ZNF407: variants seen among roughly 807,000 people sequenced by gnomAD.
ZNF407 encodes the protein zinc finger protein 407.
A neutral mutation model predicts 131.2 loss-of-function variants in ZNF407; 17 were observed. The ratio of observed to expected loss-of-function variants is 0.13; its 90% CI spans 0.09 to 0.19. ZNF407 has a LOEUF of 0.19. ZNF407 is among the 10% of genes least tolerant of loss of function. The probability of loss-of-function intolerance (pLI) is 1.00; values close to 1 mark genes in which losing one functional copy is unlikely to be tolerated. For missense variants in ZNF407, 2,681 were observed against 2,830.6 expected (o/e 0.95, Z 1.20); for synonymous variants, 1,156 against 1,062.0 (o/e 1.09, Z -1.72).
intron 3 of ZNF407, among the ~76,000 whole-genome samples, chr18:74,778,591 A>G (rs952544646): frequency 2.6e-5 from 4 of 152,158 alleles, no homozygotes; most frequent in African/African-American, 9.7e-5. Flanking sequence ...GCTGCCTAGA[A>G]CTGTTCCTTG....
At chr18:74,817,352 A>G (rs950576834) in intron 4 of ZNF407, among the ~76,000 whole-genome samples, 1 of 152,110 alleles carries the variant, frequency 6.6e-6, no homozygotes. Context: ...ATGTCTTTCT[A>G]TCATAGTTCC....
At position 74,638,587 on chromosome 18, in the gene ZNF407, A is replaced by G. The variant is rs375458702; in HGVS notation, c.4688-2421A>G. 5.3e-5 allele frequency among the ~76,000 whole-genome samples: 8 copies of G among 152,336 alleles called. No individual in the cohort carries two copies. In the East Asian group the frequency reaches 9.6e-4, roughly 18 times the overall value. The stretch of plus-strand genomic sequence containing the variant: ...GAGGAGCCCTCGTAGGCCTGAGTGA[A>G]GACCTGGATTTTAAAGTCTTTGAAA... On this transcript the variant is annotated intron_variant, in intron 2 of 8. Coordinates refer to ENST00000299687, the MANE Select transcript of ZNF407 (RefSeq NM_017757.3).
intron 4 of ZNF407, among the ~76,000 whole-genome samples, chr18:74,805,670 G>A (rs1025764817): frequency 6.6e-6 from 1 of 152,156 alleles, no homozygotes; most frequent in African/African-American, 2.4e-5. Context: ...AAGTTTTCCT[G>A]TTGCTGTTTG....
intron 8 of ZNF407, among the ~76,000 whole-genome samples, chr18:74,973,466 T>G (rs539960486): frequency 6.6e-6 from 1 of 152,322 alleles, no homozygotes; most frequent in South Asian, 2.1e-4. Flanking sequence ...GCTAGTGGTG[T>G]AGGCCAACAC....
At chr18:74,897,688 C>G (rs1971471059) in intron 7 of ZNF407, among the ~76,000 whole-genome samples, 2 of 152,102 alleles carry the variant, frequency 1.3e-5, no homozygotes, top group African/African-American at 4.8e-5. Context: ...GACACTAGAG[C>G]TATTATCAAA....
At position 74,634,796 on chromosome 18, in the gene ZNF407, G is replaced by T. The variant is rs759669670; in HGVS notation, c.3777G>T (p.Ser1259=). The change falls in exon 2 of 9, where the codon TCG becomes TCT. Residue 1259 remains serine (S), a synonymous_variant. Coordinates refer to ENST00000299687, the MANE Select transcript of ZNF407 (RefSeq NM_017757.3). ...LCPVTLDGER[S]AESPVLVVTR... is the part of the protein sequence containing the mutation. ...CTGTGACGCTCGATGGGGAGCGCTC[G>T]GCTGAAAGCCCTGTGCTCGTTGTGA... 2 of 1,613,994 alleles carry T rather than the reference G, an allele frequency of 1.2e-6. No individual in the cohort carries two copies. Among genetic ancestry groups the T allele is most frequent in the South Asian group, 1.1e-5 (1 of 91,076 alleles).
At chr18:74,754,370 T>C (rs1968880084) in intron 3 of ZNF407, among the ~76,000 whole-genome samples, 2 of 152,216 alleles carry the variant, frequency 1.3e-5, no homozygotes, top group African/African-American at 2.4e-5. Context: ...CTGATCTTAG[T>C]TATTTCTTGC....
intron 4 of ZNF407, among the ~76,000 whole-genome samples, chr18:74,824,905 A>T (rs1460308698): frequency 6.6e-6 from 1 of 152,188 alleles, no homozygotes; most frequent in Non-Finnish European, 1.5e-5. Context: ...TCAGAGACAC[A>T]ACAACAAAAA....
chr18:74,979,685 T>C (rs979043747), intron 8 of ZNF407, among the ~76,000 whole-genome samples: 1 of 152,144 alleles, frequency 6.6e-6, no homozygotes, highest in Non-Finnish European at 1.5e-5. Context: ...AAGGACATGA[T>C]TGAAAGATTT....
intron 8 of ZNF407, among the ~76,000 whole-genome samples, chr18:74,997,269 C>T (rs939732397): frequency 2.0e-5 from 3 of 152,058 alleles, no homozygotes; most frequent in African/African-American, 7.2e-5. Context: ...AATTTATAAC[C>T]AGCTACACGA....
At chr18:74,812,294 A>G (rs1461177126) in intron 4 of ZNF407, among the ~76,000 whole-genome samples, 3 of 152,304 alleles carry the variant, frequency 2.0e-5, no homozygotes, top group South Asian at 2.1e-4. Context: ...TAAATGAGAT[A>G]CACATTTTAT....
chr18:75,062,290 C>G (rs1973645498), intron 8 of ZNF407: 3 of 152,346 alleles, frequency 2.0e-5, no homozygotes, highest in Non-Finnish European at 4.4e-5. Flanking sequence ...GCTTCTTTGT[C>G]TCTGTGTCTT....
At chr18:74,722,212 T>C (rs1968054878) in intron 3 of ZNF407, among the ~76,000 whole-genome samples, 1 of 152,210 alleles carries the variant, frequency 6.6e-6, no homozygotes, top group South Asian at 2.1e-4. Flanking sequence ...TCTACTGCTT[T>C]CCGTATTTCT....
Position 74,915,694 on chromosome 18 carries a change from A to AGTGTGTGT in ZNF407, c.5250-4800_5250-4793dup, listed in dbSNP as rs148897853. 3.6e-3 allele frequency among the ~76,000 whole-genome samples: 21 copies of AGTGTGTGT among 5,836 alleles called. 5 individuals carry two copies. Among genetic ancestry groups the AGTGTGTGT allele is most frequent in the African/African-American group, 7.6e-3 (13 of 1,710 alleles). 3.8% of individuals were successfully genotyped at this position (5,836 alleles called of 152,430 possible). A position where few individuals can be genotyped will look rare whatever the true frequency, so the allele number is the denominator to read the frequency against. Reference sequence around the variant, plus strand: ...GTATGCAGCATTGGTTCGAATCGGGAGTGTGTGTGTGTGTGTGTGTGTGTG... The same window carrying AGTGTGTGT: ...GTATGCAGCATTGGTTCGAATCGGGAGTGTGTGTGTGTGTGTGTGTGTGTGTGTGTGTG... On this transcript the variant is annotated intron_variant, in intron 7 of 8. Transcript: ENST00000299687.
At chr18:75,005,708 AC>A (rs1465995179) in intron 8 of ZNF407, among the ~76,000 whole-genome samples, 1 of 36,840 alleles carries the variant, frequency 2.7e-5, no homozygotes, top group African/African-American at 1.1e-4. Context: ...CACCCCCCCC[AC>A]CCACCCCCCG....
chr18:74,916,498 G>A (rs1354060350), intron 7 of ZNF407, among the ~76,000 whole-genome samples: 4 of 128,510 alleles, frequency 3.1e-5, no homozygotes, highest in African/African-American at 6.6e-5. Flanking sequence ...GTGTGTGTGC[G>A]TGCATGTGTG....
intron 7 of ZNF407, among the ~76,000 whole-genome samples, chr18:74,906,137 G>T (rs555969733): frequency 2.0e-4 from 31 of 152,096 alleles, no homozygotes; most frequent in Non-Finnish European, 3.8e-4. Context: ...CCCCTTGTAG[G>T]CATTCCTGGT....
chr18:74,826,590 C>G (rs1422970418), intron 4 of ZNF407, among the ~76,000 whole-genome samples: 1 of 152,120 alleles, frequency 6.6e-6, no homozygotes, highest in African/African-American at 2.4e-5. Context: ...ATTCAGGAGA[C>G]TTGTTTGTCA....
chr18:74,734,150 A>C (rs1968356575), intron 3 of ZNF407, among the ~76,000 whole-genome samples: 1 of 152,128 alleles, frequency 6.6e-6, no homozygotes, highest in Non-Finnish European at 1.5e-5. Flanking sequence ...CCGTGAGGCA[A>C]CTGGTTCCAG....
Sources: allele counts gnomAD v4.1 joint callset (sites outside exome capture counted in the v4.1 genomes callset), GRCh38; gene constraint gnomAD v4.1.1; transcripts MANE v1.5; gene names NCBI Gene and HGNC (gene_info 2026-07-23, HGNC 2026-07-21).